The following SUPT3H variants were observed in gnomAD, a reference collection of about 807,000 sequenced individuals.
The protein encoded by SUPT3H is SPT3 homolog, SAGA and STAGA complex component, also known as transcription initiation protein SPT3 homolog.
Under a neutral mutation model 44.3 loss-of-function variants are expected in SUPT3H, and 44 were observed. The ratio of observed to expected loss-of-function variants is 0.99; its 90% CI spans 0.78 to 1.28. The LOEUF is 1.28. SUPT3H is among the 50% of genes most tolerant of loss of function. SUPT3H has a pLI of 0.00. For missense variants in SUPT3H, 380 were observed against 387.1 expected, an observed-to-expected ratio of 0.98 and a Z score of 0.15; for synonymous variants, 124 against 125.6, an observed-to-expected ratio of 0.99 and a Z score of 0.09.
chr6:45,308,461 A>C (rs1783442705), intron 2 of SUPT3H, among the ~76,000 whole-genome samples: 1 of 152,186 alleles, frequency 6.6e-6, no homozygotes, highest in Non-Finnish European at 1.5e-5. Context: ...AAAGAAAAGA[A>C]TTTTCAACCC....
At chr6:45,250,573 A>G (rs1246352499) in intron 2 of SUPT3H, among the ~76,000 whole-genome samples, 2 of 152,122 alleles carry the variant, frequency 1.3e-5, no homozygotes, top group East Asian at 3.8e-4. Flanking sequence ...ATAGCTGAAT[A>G]ACAGCAATTC....
chr6:45,322,655 A>G (rs1464873389), intron 2 of SUPT3H, among the ~76,000 whole-genome samples: 2 of 152,154 alleles, frequency 1.3e-5, no homozygotes, highest in Non-Finnish European at 2.9e-5. Context: ...TAGAGACCTA[A>G]ATCTGCGATC....
At chr6:45,043,497 G>C (rs1289988617) in intron 3 of SUPT3H, among the ~76,000 whole-genome samples, 1 of 152,026 alleles carries the variant, frequency 6.6e-6, no homozygotes, top group Non-Finnish European at 1.5e-5. Context: ...TTCCCACAGG[G>C]AGCAATGATG....
intron 2 of SUPT3H, among the ~76,000 whole-genome samples, chr6:45,127,307 C>A (rs1418311695): frequency 5.9e-5 from 9 of 152,056 alleles, no homozygotes; most frequent in Admixed American, 5.9e-4. Flanking sequence ...GAGTGAGAAT[C>A]CGTCTCAAAA....
At chr6:45,260,200 CCTT>C (rs1774122190) in intron 2 of SUPT3H, among the ~76,000 whole-genome samples, 1 of 152,152 alleles carries the variant, frequency 6.6e-6, no homozygotes, top group Non-Finnish European at 1.5e-5. Flanking sequence ...CTCAATCATT[CCTT>C]CTTTTCAGTA....
intron 2 of SUPT3H, among the ~76,000 whole-genome samples, chr6:45,145,124 A>C (rs1805831245): frequency 6.6e-6 from 1 of 152,138 alleles, no homozygotes; most frequent in Admixed American, 6.6e-5. Context: ...TGCAATTCTC[A>C]TCAAAATACC....
chr6:44,886,481 GA>G (rs1392730864), intron 10 of SUPT3H, among the ~76,000 whole-genome samples: 9 of 152,184 alleles, frequency 5.9e-5, no homozygotes, highest in Admixed American at 5.9e-4. Flanking sequence ...TTAAAGAAAA[GA>G]ACTTTCAACC....
At chr6:45,213,197 G>T (rs138593684) in intron 2 of SUPT3H, among the ~76,000 whole-genome samples, 1 of 152,136 alleles carries the variant, frequency 6.6e-6, no homozygotes, top group East Asian at 1.9e-4. Context: ...CAGGAAGTGC[G>T]CCTGGAAGAG....
chr6:44,977,462 A>T (rs906100174), intron 6 of SUPT3H, among the ~76,000 whole-genome samples: 17 of 152,090 alleles, frequency 1.1e-4, no homozygotes, highest in African/African-American at 3.4e-4. Flanking sequence ...AATACTTTTT[A>T]AAAAAAATTT....
chr6:45,271,491 G>A (rs1419442612), intron 2 of SUPT3H, among the ~76,000 whole-genome samples: 2 of 152,194 alleles, frequency 1.3e-5, no homozygotes, highest in Non-Finnish European at 2.9e-5. Context: ...CTTCCACGTG[G>A]TGTTGAGCCT....
At chr6:45,332,953 A>G (rs1461814293) in intron 2 of SUPT3H, among the ~76,000 whole-genome samples, 1 of 151,718 alleles carries the variant, frequency 6.6e-6, no homozygotes, top group East Asian at 1.9e-4. Context: ...CACTGAAGAT[A>G]GATAAAATTC....
At chr6:44,813,433 C>T (rs949410680) in intron 11 of SUPT3H, among the ~76,000 whole-genome samples, 1 of 151,972 alleles carries the variant, frequency 6.6e-6, no homozygotes, top group African/African-American at 2.4e-5. Context: ...AGATCCTCCC[C>T]CCTACCTTGG....
chr6:44,934,729 G>A (rs1771143485), intron 9 of SUPT3H, among the ~76,000 whole-genome samples: 1 of 152,196 alleles, frequency 6.6e-6, no homozygotes, highest in Non-Finnish European at 1.5e-5. Flanking sequence ...ACCAGGAAGT[G>A]GGCCATCACA....
At chr6:44,886,195 A>G (rs1025062239) in intron 10 of SUPT3H, among the ~76,000 whole-genome samples, 9 of 152,210 alleles carry the variant, frequency 5.9e-5, no homozygotes, top group African/African-American at 9.6e-5. Context: ...AACACTCTGC[A>G]GGATATTATC....
intron 2 of SUPT3H, among the ~76,000 whole-genome samples, chr6:45,342,215 A>C (rs1371908947): frequency 6.6e-6 from 1 of 152,044 alleles, no homozygotes; most frequent in East Asian, 1.9e-4. Flanking sequence ...TTGTCACTAC[A>C]GTTGTGCCTA....
At chr6:45,322,768 C>T in intron 2 of SUPT3H, 2 of 749,760 alleles carry the variant, frequency 2.7e-6, no homozygotes, top group Non-Finnish European at 2.3e-6. Flanking sequence ...CCTACAATAA[C>T]TATTTTAAAG....
In SUPT3H at chr6:44,970,310, T is replaced by C. The variant is rs1777389218; in HGVS notation, c.505-8482A>G. 2.0e-5 allele frequency among the ~76,000 whole-genome samples: 3 copies of C among 152,314 alleles called. No individual in the cohort carries two copies. In the South Asian group the frequency reaches 6.2e-4, roughly 32 times the overall value. On this transcript the variant is annotated intron_variant, in intron 6 of 10. Coordinates refer to ENST00000371459, the MANE Select transcript of SUPT3H (RefSeq NM_003599.4). ...ATATGTAATAAAATATTTCCCATCTTGGGATAAAATGTGTGTTAAGAAAAG... is the reference window on the plus strand; with the variant it reads ...ATATGTAATAAAATATTTCCCATCTCGGGATAAAATGTGTGTTAAGAAAAG...
chr6:45,032,782 T>A (rs866555839), intron 3 of SUPT3H, among the ~76,000 whole-genome samples: 1 of 152,148 alleles, frequency 6.6e-6, no homozygotes, highest in African/African-American at 2.4e-5. Flanking sequence ...CAGGTCCTCA[T>A]AGAACTTCAG....
chr6:45,179,267 A>G (rs1812642862), intron 2 of SUPT3H, among the ~76,000 whole-genome samples: 1 of 152,242 alleles, frequency 6.6e-6, no homozygotes, highest in African/African-American at 2.4e-5. Flanking sequence ...GTCCAGGACC[A>G]GATGGATTCA....
Sources: gnomAD v4.1 joint callset for allele counts (sites outside exome capture counted in the v4.1 genomes callset) on GRCh38, gnomAD v4.1.1 for gene constraint, MANE v1.5 for transcripts, NCBI Gene and HGNC (gene_info 2026-07-23, HGNC 2026-07-21) for gene names.